MVB12B: variants seen among roughly 807,000 people sequenced by gnomAD.
The protein encoded by MVB12B is multivesicular body subunit 12B.
Under a neutral mutation model 41.6 loss-of-function variants are expected in MVB12B, and 16 were observed. The ratio of observed to expected loss-of-function variants is 0.38; its 90% CI spans 0.26 to 0.58. The LOEUF (loss-of-function observed/expected upper bound fraction) is 0.58. Ranked by LOEUF, MVB12B falls within the 20% of genes least tolerant of loss-of-function variation. The pLI, the probability that MVB12B is intolerant of heterozygous loss-of-function variation, is 0.62. For synonymous variants in MVB12B, 133 were observed against 139.7 expected (o/e 0.95, Z 0.34); for missense variants, 274 against 380.2 (o/e 0.72, Z 2.32).
chr9:126,422,085 C>T, intron 7 of MVB12B, 137 bp downstream of exon 7: 1 of 654,306 alleles, frequency 1.5e-6, no homozygotes, highest in Non-Finnish European at 2.7e-6. Context: ...CTGTTCCCTG[C>T]AGGGACCAGG....
At chr9:126,423,468 G>A (rs1448490210) in intron 7 of MVB12B, among the ~76,000 whole-genome samples, 2 of 152,206 alleles carry the variant, frequency 1.3e-5, no homozygotes, top group East Asian at 1.9e-4. Flanking sequence ...GCAATACCAA[G>A]GTAACAGCCT....
At chr9:126,359,049 TTTTTAA>T (rs1251659982) in intron 2 of MVB12B, among the ~76,000 whole-genome samples, 1 of 151,926 alleles carries the variant, frequency 6.6e-6, no homozygotes, top group Non-Finnish European at 1.5e-5. Flanking sequence ...GGATTTTCTC[TTTTTAA>T]TTTTAATTTT....
intron 1 of MVB12B, among the ~76,000 whole-genome samples, chr9:126,327,489 C>T (rs1829015344): frequency 6.6e-6 from 1 of 152,164 alleles, no homozygotes. Context: ...AGAGAGGACA[C>T]CTAAACCCTC....
At chr9:126,401,786 A>T (rs1343411269) in intron 6 of MVB12B, among the ~76,000 whole-genome samples, 1 of 152,218 alleles carries the variant, frequency 6.6e-6, no homozygotes, top group African/African-American at 2.4e-5. Context: ...GGACATGGGG[A>T]TCAACTCCAT....
chr9:126,495,687 C>T (rs1833815112), intron 9 of MVB12B, among the ~76,000 whole-genome samples: 1 of 152,004 alleles, frequency 6.6e-6, no homozygotes, highest in Non-Finnish European at 1.5e-5. Flanking sequence ...CCACCACCCA[C>T]CTGTGAGACT....
At position 126,498,725 on chromosome 9, in the gene MVB12B, T is replaced by C. The variant is rs75015836; in HGVS notation, c.874-4452T>C. On this transcript the variant is annotated intron_variant, in intron 9 of 9. Transcript: ENST00000361171. ...TTTCTTGGGCTTCACTTTCCTTCTC[T>C]GCAAAGCTCGGGTGCTGGGAACAGC... Among the ~76,000 whole-genome samples the C allele has an allele frequency of 3.6e-3, 544 of 152,348 alleles. 8 individuals carry two copies. The East Asian group carries it at 0.04, about 11-fold the overall frequency.
intron 2 of MVB12B, among the ~76,000 whole-genome samples, chr9:126,377,221 C>T (rs1830506426): frequency 6.6e-6 from 1 of 152,228 alleles, no homozygotes; most frequent in African/African-American, 2.4e-5. Context: ...ACAGCTCCTA[C>T]TCCTGGGGAA....
At chr9:126,481,331 A>G (rs766529452) in intron 7 of MVB12B, 38 bp from the exon 8 acceptor site, 33 of 1,571,036 alleles carry the variant, frequency 2.1e-5, no homozygotes, top group Non-Finnish European at 2.7e-5. Flanking sequence ...GCCATCTTCA[A>G]TACCTTTAAT....
chr9:126,472,026 T>C (rs1833324176), intron 7 of MVB12B, among the ~76,000 whole-genome samples: 1 of 152,142 alleles, frequency 6.6e-6, no homozygotes, highest in African/African-American at 2.4e-5. Context: ...ACTCTCTTTA[T>C]CAAGCATGTT....
chr9:126,485,485 C>T (rs1183581180), intron 9 of MVB12B, among the ~76,000 whole-genome samples: 2 of 107,046 alleles, frequency 1.9e-5, no homozygotes, highest in African/African-American at 7.7e-5. Flanking sequence ...AGGGTACCTT[C>T]CACTGTGCTT....
At chr9:126,490,380 G>T (rs560528380) in intron 9 of MVB12B, among the ~76,000 whole-genome samples, 3 of 152,284 alleles carry the variant, frequency 2.0e-5, no homozygotes, top group East Asian at 3.9e-4. Context: ...TTAACTACCC[G>T]CAAGCCTTGT....
chr9:126,345,766 T>C (rs551134745), intron 2 of MVB12B, among the ~76,000 whole-genome samples: 1 of 152,370 alleles, frequency 6.6e-6, no homozygotes, highest in African/African-American at 2.4e-5. Flanking sequence ...TTTGTACCAT[T>C]GTACCTTTAA....
At chr9:126,481,475 G>A in intron 8 of MVB12B, 51 bp downstream of exon 8, 1 of 1,364,816 alleles carries the variant, frequency 7.3e-7, no homozygotes, top group South Asian at 1.2e-5. Context: ...CCAGCCTGAG[G>A]TCCCTCCATC....
In MVB12B at chr9:126,340,641, A is replaced by C; in HGVS notation, c.204+11A>C. On this transcript the variant is annotated intron_variant, in intron 2 of 9. Coordinates refer to ENST00000361171, the MANE Select transcript of MVB12B (RefSeq NM_033446.3). This position sits in a 1 kb window ranked among gnomAD's most constrained non-coding sequence, Gnocchi z 4.0. Reference sequence around the variant, plus strand: ...ACAGGCTATGACGTAGTAAGTCAAGATACTAGTTTGTACATTTTGCTCACT... The same window carrying C: ...ACAGGCTATGACGTAGTAAGTCAAGCTACTAGTTTGTACATTTTGCTCACT... The C allele has an allele frequency of 6.2e-7, 1 of 1,613,410 alleles. No homozygotes were observed. The highest frequency in any genetic ancestry group is 8.5e-7 in the Non-Finnish European group (1 of 1,179,524).
At chr9:126,401,051 G>T (rs1308967221) in intron 6 of MVB12B, among the ~76,000 whole-genome samples, 4 of 152,210 alleles carry the variant, frequency 2.6e-5, no homozygotes, top group Admixed American at 1.3e-4. Context: ...GCTGACCTGG[G>T]CTGTCCTCAC....
chr9:126,421,843 C>T lies in MVB12B; in HGVS notation c.663-11C>T. On this transcript the variant is annotated splice_polypyrimidine_tract_variant and intron_variant, in intron 6 of 9. Coordinates refer to ENST00000361171, the MANE Select transcript of MVB12B (RefSeq NM_033446.3). ...TTGTAATCTCCTTTCTCTCGTCCTT[C>T]TCTTCCTCAGGCACATCTCCCTAAC... The T allele has an allele frequency of 1.9e-6, 3 of 1,607,376 alleles. No individual in the cohort carries two copies. Among genetic ancestry groups the T allele is most frequent in the Non-Finnish European group, 2.6e-6 (3 of 1,173,806 alleles).
At chr9:126,401,158 T>G (rs1056581169) in intron 6 of MVB12B, among the ~76,000 whole-genome samples, 2 of 152,102 alleles carry the variant, frequency 1.3e-5, no homozygotes, top group Non-Finnish European at 2.9e-5. Context: ...CTGTCTCTCT[T>G]GGGGGAAAGG....
chr9:126,394,662 C>CGGCCCA (rs1564307167), intron 5 of MVB12B, among the ~76,000 whole-genome samples: 1 of 152,154 alleles, frequency 6.6e-6, no homozygotes, highest in Non-Finnish European at 1.5e-5. Flanking sequence ...CTGGAGGCCA[C>CGGCCCA]GGCCCAGAGG....
chr9:126,497,446 G>A (rs1403485778), intron 9 of MVB12B, among the ~76,000 whole-genome samples: 2 of 152,014 alleles, frequency 1.3e-5, no homozygotes, highest in Non-Finnish European at 2.9e-5. Context: ...CCCTGACCCC[G>A]AGGCCTTGGT....
Sources: allele counts gnomAD v4.1 joint callset (sites outside exome capture counted in the v4.1 genomes callset), GRCh38; gene constraint gnomAD v4.1.1; non-coding constraint Gnocchi (gnomAD v3.1); transcripts MANE v1.5; gene names NCBI Gene and HGNC (gene_info 2026-07-23, HGNC 2026-07-21).